MSI2: variants seen among roughly 807,000 people sequenced by gnomAD.
MSI2 encodes the protein RNA-binding protein Musashi homolog 2.
Under a neutral mutation model 45.6 loss-of-function variants are expected in MSI2, and 17 were observed. The observed-to-expected ratio is 0.37, with a 90% CI of 0.26 to 0.56. The LOEUF is 0.56. Ranked by LOEUF, MSI2 falls within the 20% of genes least tolerant of loss-of-function variation. The probability of loss-of-function intolerance (pLI) is 0.77; values close to 1 mark genes in which losing one functional copy is unlikely to be tolerated. For missense variants in MSI2, 293 were observed against 444.2 expected (o/e 0.66, Z 3.06); for synonymous variants, 156 against 158.2 (o/e 0.99, Z 0.11).
At chr17:57,537,076 A>C (rs1395476953) in intron 7 of MSI2, among the ~76,000 whole-genome samples, 1 of 152,202 alleles carries the variant, frequency 6.6e-6, no homozygotes, top group African/African-American at 2.4e-5. Flanking sequence ...GTACTTGAAG[A>C]GTTTCCATTG....
In MSI2 at chr17:57,552,338, T is replaced by C. The variant is rs2087326614; in HGVS notation, c.454+22614T>C. ...GAGTCCTGGGAACTGAGCTTGGCTTTCTGCCTGCTGCTTGTCTCTGATTAT... is the reference window on the plus strand; with the variant it reads ...GAGTCCTGGGAACTGAGCTTGGCTTCCTGCCTGCTGCTTGTCTCTGATTAT... On this transcript the variant is annotated intron_variant, in intron 7 of 13. Coordinates refer to ENST00000284073, the MANE Select transcript of MSI2 (RefSeq NM_138962.4). This position sits in a 1 kb window ranked among gnomAD's most constrained non-coding sequence, Gnocchi z 4.3. 1.3e-5 allele frequency among the ~76,000 whole-genome samples: 2 copies of C among 152,216 alleles called. No individual in the cohort carries two copies. Among genetic ancestry groups the C allele is most frequent in the Admixed American group, 1.3e-4 (2 of 15,278 alleles).
chr17:57,565,377 C>T (rs1276490278), intron 7 of MSI2, among the ~76,000 whole-genome samples: 3 of 152,216 alleles, frequency 2.0e-5, no homozygotes, highest in African/African-American at 7.2e-5. Context: ...TGTAGTTTCT[C>T]AGTGCACTCA....
chr17:57,626,166 TG>T (rs890504718), intron 9 of MSI2: 6 of 151,586 alleles, frequency 4.0e-5, no homozygotes, highest in African/African-American at 1.5e-4. Flanking sequence ...AGCCAAAAAA[TG>T]ACCACAGACA....
At position 57,680,208 on chromosome 17, in the gene MSI2, ATCTGAG is replaced by A. The variant is rs1913516350; in HGVS notation, c.*695_*700del. On this transcript the variant is annotated 3_prime_UTR_variant, in exon 14 of 14. Transcript: ENST00000284073. ...TTCTTTTTGTGATGTCTCTTTGTTA[ATCTGAG>A]TCTATCTATTTTCGGCAATAAGGTA... 2 of 228,974 alleles carry A rather than the reference ATCTGAG, an allele frequency of 8.7e-6. No homozygotes were observed. The highest frequency in any genetic ancestry group is 3.6e-4 in the South Asian group (2 of 5,512). The allele number at this position is 228,974 out of a possible 1,614,324, so 14.2% of individuals were successfully genotyped here. A position where few individuals can be genotyped will look rare whatever the true frequency, so the allele number is the denominator to read the frequency against.
intron 11 of MSI2, among the ~76,000 whole-genome samples, chr17:57,668,182 C>G (rs1912516298): frequency 6.6e-6 from 1 of 152,142 alleles, no homozygotes; most frequent in South Asian, 2.1e-4. Context: ...GATTATATCT[C>G]AACAGCAAAT....
At chr17:57,292,577 G>T (rs1308725883) in intron 5 of MSI2, among the ~76,000 whole-genome samples, 1 of 149,802 alleles carries the variant, frequency 6.7e-6, no homozygotes, top group African/African-American at 2.4e-5. Flanking sequence ...ATGGAGGTTG[G>T]TGGGGGGTCC....
intron 5 of MSI2, among the ~76,000 whole-genome samples, chr17:57,303,463 T>C (rs1339599719): frequency 6.6e-6 from 1 of 152,198 alleles, no homozygotes; most frequent in Admixed American, 6.5e-5. Context: ...AGGCTAACAT[T>C]GTGTTTCTGT....
chr17:57,518,951 C>T (rs920458758), intron 6 of MSI2, among the ~76,000 whole-genome samples: 123 of 152,308 alleles, frequency 8.1e-4, no homozygotes, highest in Non-Finnish European at 1.4e-3. Context: ...GTCTCTCTCC[C>T]CTTCCCTCAT....
At chr17:57,473,978 C>T (rs1315082083) in intron 6 of MSI2, among the ~76,000 whole-genome samples, 3 of 152,076 alleles carry the variant, frequency 2.0e-5, no homozygotes, top group African/African-American at 2.4e-5. Flanking sequence ...CTGTTTTTTT[C>T]GGTTTTGTTT....
chr17:57,283,781 C>T (rs1323451179), intron 5 of MSI2, among the ~76,000 whole-genome samples: 4 of 152,212 alleles, frequency 2.6e-5, no homozygotes, highest in Non-Finnish European at 5.9e-5. Context: ...ACCACACGCG[C>T]ACGCGCACTC....
intron 5 of MSI2, among the ~76,000 whole-genome samples, chr17:57,324,111 C>A (rs1913579885): frequency 6.6e-6 from 1 of 152,194 alleles, no homozygotes; most frequent in African/African-American, 2.4e-5. Context: ...AGTTTAAGAC[C>A]AGCCTGGGTA....
At chr17:57,320,021 C>T (rs190198556) in intron 5 of MSI2, among the ~76,000 whole-genome samples, 38 of 152,302 alleles carry the variant, frequency 2.5e-4, no homozygotes, top group African/African-American at 9.1e-4. Context: ...CCCACCCCTC[C>T]TACTTGGCCC....
At chr17:57,293,721 G>C (rs1306859123) in intron 5 of MSI2, among the ~76,000 whole-genome samples, 2 of 150,986 alleles carry the variant, frequency 1.3e-5, no homozygotes, top group African/African-American at 4.9e-5. Flanking sequence ...CGATTCTCCT[G>C]CCTCAGCTTC....
chr17:57,640,492 A>G (rs1264926454), intron 10 of MSI2, among the ~76,000 whole-genome samples: 1 of 152,246 alleles, frequency 6.6e-6, no homozygotes. Flanking sequence ...ATAGAAATAA[A>G]TGTTATTATT....
At chr17:57,561,783 G>A (rs1442424087) in intron 7 of MSI2, among the ~76,000 whole-genome samples, 1 of 152,160 alleles carries the variant, frequency 6.6e-6, no homozygotes, top group Non-Finnish European at 1.5e-5. Context: ...GGGATCGGCT[G>A]CATGTTTAAT....
At chr17:57,655,319 C>T (rs1407463792) in intron 11 of MSI2, among the ~76,000 whole-genome samples, 1 of 152,204 alleles carries the variant, frequency 6.6e-6, no homozygotes, top group Non-Finnish European at 1.5e-5. Context: ...CGTATTCATT[C>T]AGTTCCAGTG....
chr17:57,627,929 C>T lies in MSI2; in HGVS notation c.727+626C>T, dbSNP rs1285194869. 6 of 153,112 alleles carry T rather than the reference C, an allele frequency of 3.9e-5. No homozygotes were observed. Among genetic ancestry groups the T allele is most frequent in the Non-Finnish European group, 5.8e-5 (4 of 68,742 alleles). The allele number at this position is 153,112 out of a possible 1,614,324, so 9.5% of individuals were successfully genotyped here. A position where few individuals can be genotyped will look rare whatever the true frequency, so the allele number is the denominator to read the frequency against. ...TGCCCGCCACATGCCAGGGCTGCTC[C>T]AGCTCCAACTCCAGGTAGCTGGCAG... On this transcript the variant is annotated intron_variant, in intron 10 of 13. Coordinates refer to ENST00000284073, the MANE Select transcript of MSI2 (RefSeq NM_138962.4). The surrounding 1 kb of genome is among the most constrained non-coding windows in gnomAD (Gnocchi z 4.6).
intron 5 of MSI2, among the ~76,000 whole-genome samples, chr17:57,333,881 G>A (rs1269332461): frequency 2.0e-5 from 3 of 151,916 alleles, no homozygotes; most frequent in South Asian, 2.1e-4. Context: ...CTCTTGTCTC[G>A]AGCTACAGTG....
intron 6 of MSI2, among the ~76,000 whole-genome samples, chr17:57,418,321 G>A (rs1325524356): frequency 1.3e-5 from 2 of 152,188 alleles, no homozygotes; most frequent in Admixed American, 6.5e-5. Context: ...ATAAACTTTA[G>A]GGGCATGGCT....
Sources: allele counts gnomAD v4.1 joint callset (sites outside exome capture counted in the v4.1 genomes callset), GRCh38; gene constraint gnomAD v4.1.1; non-coding constraint Gnocchi (gnomAD v3.1); transcripts MANE v1.5; gene names NCBI Gene and HGNC (gene_info 2026-07-23, HGNC 2026-07-21).